Variants in CD4 observed in about 807,000 individuals in gnomAD.
The protein encoded by CD4 is CD4 molecule, also known as T-cell surface glycoprotein CD4.
In CD4, 25 loss-of-function variants were observed where a neutral mutation model predicts 50.5. That is an observed-to-expected ratio of 0.49 (90% CI 0.36 to 0.69). The LOEUF (loss-of-function observed/expected upper bound fraction) is 0.69, where lower values mean the gene tolerates loss of function less well. CD4 is among the 30% of genes least tolerant of loss of function. The probability of loss-of-function intolerance (pLI) is 0.00; values close to 1 mark genes in which losing one functional copy is unlikely to be tolerated. For missense variants in CD4, 456 were observed against 548.5 expected, an observed-to-expected ratio of 0.83 and a Z score of 1.68; for synonymous variants, 207 against 221.9, an observed-to-expected ratio of 0.93 and a Z score of 0.60.
At chr12:6,800,811 C>T (rs373924270) in intron 3 of CD4, among the ~76,000 whole-genome samples, 1 of 152,104 alleles carries the variant, frequency 6.6e-6, no homozygotes, top group Non-Finnish European at 1.5e-5. Context: ...ATAATCCTAG[C>T]ACTGTGGGAG....
intron 3 of CD4, among the ~76,000 whole-genome samples, chr12:6,803,131 G>T (rs1405011297): frequency 2.6e-5 from 4 of 151,942 alleles, no homozygotes; most frequent in Admixed American, 2.6e-4. Context: ...CTACTTGACA[G>T]AAATAAAATT....
intron 1 of CD4, among the ~76,000 whole-genome samples, chr12:6,793,565 C>A (rs1161836334): frequency 6.6e-6 from 1 of 152,138 alleles, no homozygotes; most frequent in African/African-American, 2.4e-5. Flanking sequence ...GGTGGCTAGT[C>A]TCCCTTCCTC....
intron 3 of CD4, among the ~76,000 whole-genome samples, chr12:6,804,716 T>TA (rs1555115881): frequency 1.3e-5 from 2 of 151,800 alleles, no homozygotes; most frequent in Admixed American, 1.3e-4. Context: ...CTACAAAAAG[T>TA]AAAAAATTAG....
intron 3 of CD4, among the ~76,000 whole-genome samples, chr12:6,805,574 AAAG>A (rs1555116038): frequency 7.9e-5 from 12 of 151,892 alleles, no homozygotes; most frequent in African/African-American, 2.9e-4. Flanking sequence ...AAAAAAAAAA[AAAG>A]AAAAAAGAAA....
rs28919569 is a variant in CD4, at chr12:6,816,159, G to A, written c.711G>A (p.Glu237=). Residue 237 remains glutamate, a synonymous_variant, in exon 6 of 10, where the codon GAG becomes GAA. Transcript: ENST00000011653. The surrounding 1 kb of genome is among the most constrained non-coding windows in gnomAD (Gnocchi z 4.9). ...FTVEKLTGSG[E]LWWQAERASS... ...TTGAAAAGCTGACGGGCAGTGGCGA[G>A]CTGTGGTGGCAGGCGGAGAGGGCTT... The A allele has an allele frequency of 4.7e-4, 758 of 1,614,204 alleles. No individual in the cohort carries two copies. Among genetic ancestry groups the A allele is most frequent in the African/African-American group, 4.2e-3 (318 of 75,034 alleles).
In CD4 at chr12:6,814,166, C is replaced by T. The variant is rs1239818302; in HGVS notation, c.239C>T (p.Ala80Val). The T allele has an allele frequency of 1.2e-6, 2 of 1,613,968 alleles. No individual in the cohort carries two copies. The highest frequency in any genetic ancestry group is 1.7e-6 in the Non-Finnish European group (2 of 1,179,998). Reference protein sequence around the residue: ...TKGPSKLNDRADSRRSLWDQG... With the variant: ...TKGPSKLNDRVDSRRSLWDQG... Reference sequence around the variant, plus strand: ...GGTCCATCCAAGCTGAATGATCGCGCTGACTCAAGAAGAAGCCTTTGGGAC... The same window carrying T: ...GGTCCATCCAAGCTGAATGATCGCGTTGACTCAAGAAGAAGCCTTTGGGAC... The change falls in exon 4 of 10, where the codon GCT becomes GTT. Residue 80 changes from alanine (A) to valine (V), a missense_variant. Physicochemically the swap from Ala to Val is moderately conservative, Grantham distance 64. Coordinates refer to ENST00000011653, the MANE Select transcript of CD4 (RefSeq NM_000616.5).
chr12:6,794,417 GC>G (rs1385066397), intron 1 of CD4, among the ~76,000 whole-genome samples: 4 of 150,748 alleles, frequency 2.7e-5, no homozygotes, highest in African/African-American at 9.8e-5. Context: ...TGTTGCCCAG[GC>G]TGGAGTGCAG....
intron 7 of CD4, among the ~76,000 whole-genome samples, chr12:6,817,946 C>T (rs779487667): frequency 1.5e-4 from 22 of 151,652 alleles, no homozygotes; most frequent in Admixed American, 6.6e-4. Context: ...CACTTATACA[C>T]TCACATCCGC....
Position 6,814,157 on chromosome 12 carries a change from A to G in CD4, c.230A>G (p.Asn77Ser). ...SFLTKGPSKLNDRADSRRSLW... is the reference protein window; with the variant it reads ...SFLTKGPSKLSDRADSRRSLW... ...CTGCTCCCAGGTCCATCCAAGCTGA[A>G]TGATCGCGCTGACTCAAGAAGAAGC... The change falls in exon 4 of 10, where the codon AAT (asparagine) becomes AGT (serine). Residue 77 changes from asparagine to serine, a missense_variant. Asn to Ser is a conservative substitution (Grantham distance 46). Transcript: ENST00000011653. The G allele has an allele frequency of 2.5e-6, 4 of 1,613,982 alleles. No individual in the cohort carries two copies. Among genetic ancestry groups the G allele is most frequent in the Non-Finnish European group, 3.4e-6 (4 of 1,179,948 alleles).
rs28917508 is a variant in CD4 at position 6,815,661 on chromosome 12, C to T, written c.608-395C>T. On this transcript the variant is annotated intron_variant, in intron 5 of 9. Coordinates refer to ENST00000011653, the MANE Select transcript of CD4 (RefSeq NM_000616.5). Reference sequence around the variant, plus strand: ...TCGTATTAAGTTGAGGACTGATATACGTAAGGCACTGAAAATGGTGCCTGG... The same window carrying T: ...TCGTATTAAGTTGAGGACTGATATATGTAAGGCACTGAAAATGGTGCCTGG... The T allele has an allele frequency of 3.7e-4, 423 of 1,151,638 alleles. 5 individuals carry two copies. The African/African-American group carries it at 3.8e-3, about 10-fold the overall frequency. 71.3% of individuals were successfully genotyped at this position (1,151,638 alleles called of 1,614,324 possible).
At chr12:6,805,798 C>G (rs1206834163) in intron 3 of CD4, among the ~76,000 whole-genome samples, 1 of 151,730 alleles carries the variant, frequency 6.6e-6, no homozygotes, top group Non-Finnish European at 1.5e-5. Flanking sequence ...ACAAGTTGGC[C>G]AGGTGTAGTG....
At chr12:6,801,517 A>C (rs1223454613) in intron 3 of CD4, among the ~76,000 whole-genome samples, 1 of 37,940 alleles carries the variant, frequency 2.6e-5, no homozygotes, top group Non-Finnish European at 7.8e-5. Flanking sequence ...ACTTCATCTC[A>C]AAAAAAAAAA....
intron 1 of CD4, among the ~76,000 whole-genome samples, chr12:6,799,782 A>C (rs574059513): frequency 3.3e-5 from 5 of 152,310 alleles, no homozygotes; most frequent in African/African-American, 1.2e-4. Flanking sequence ...CACCCAGCCT[A>C]GTATATGCCC....
rs377592890 is a variant in CD4, at chr12:6,814,967, G to A, written c.582G>A (p.Glu194=). ...TCTTGCAGAACCAGAAGAAGGTGGA[G>A]TTCAAAATAGACATCGTGGTGCTAG... ...CTVLQNQKKV[E]FKIDIVVLAF... is the part of the protein sequence containing the mutation. The change falls in exon 5 of 10, where the codon GAG becomes GAA. Residue 194 remains glutamate (E), a synonymous_variant. Coordinates refer to ENST00000011653, the MANE Select transcript of CD4 (RefSeq NM_000616.5). 3 of 1,613,070 alleles carry A rather than the reference G, an allele frequency of 1.9e-6. No individual in the cohort carries two copies. The highest frequency in any genetic ancestry group is 2.5e-6 in the Non-Finnish European group (3 of 1,179,270).
chr12:6,815,996 C>T, intron 5 of CD4, 60 bp from the exon 6 acceptor site: 1 of 1,605,794 alleles, frequency 6.2e-7, no homozygotes. Context: ...ATGCCAACCC[C>T]ACTCGTGCAC....
chr12:6,808,493 C>T (rs1942843121), intron 3 of CD4, among the ~76,000 whole-genome samples: 1 of 125,870 alleles, frequency 7.9e-6, no homozygotes, highest in African/African-American at 2.9e-5. Context: ...GTGAAGTTTA[C>T]CTTTTTTTTT....
At chr12:6,804,520 T>C (rs530333143) in intron 3 of CD4, among the ~76,000 whole-genome samples, 2 of 152,198 alleles carry the variant, frequency 1.3e-5, no homozygotes, top group Admixed American at 6.5e-5. Context: ...TCTATTGTAT[T>C]TCTATATATT....
chr12:6,809,495 CAAAAA>C (rs57125418), intron 3 of CD4, among the ~76,000 whole-genome samples: 1 of 140,838 alleles, frequency 7.1e-6, no homozygotes, highest in Non-Finnish European at 1.6e-5. Context: ...GACCCTGTCT[CAAAAA>C]AAAAAAAATG....
intron 3 of CD4, among the ~76,000 whole-genome samples, chr12:6,803,598 C>T (rs1942628903): frequency 6.7e-6 from 1 of 149,480 alleles, no homozygotes; most frequent in Non-Finnish European, 1.5e-5. Context: ...TCCTGGCTAA[C>T]ACGGTGAAAC....
Sources: allele counts gnomAD v4.1 joint callset (sites outside exome capture counted in the v4.1 genomes callset), GRCh38; gene constraint gnomAD v4.1.1; non-coding constraint Gnocchi (gnomAD v3.1); transcripts MANE v1.5; gene names NCBI Gene and HGNC (gene_info 2026-07-23, HGNC 2026-07-21).